PP2D1: variants seen among roughly 807,000 people sequenced by gnomAD.
PP2D1 encodes protein phosphatase 2C like domain containing 1, also known as protein phosphatase 2C-like domain-containing protein 1.
PP2D1 carries 25 observed loss-of-function variants against 30.2 expected under a neutral mutation model. The ratio of observed to expected loss-of-function variants is 0.83; its 90% CI spans 0.60 to 1.16. The LOEUF is 1.16. Among genes scored for constraint, PP2D1 ranks in the 50% most tolerant of loss-of-function variants. PP2D1 has a pLI of 0.00. For synonymous variants in PP2D1, 260 were observed against 258.9 expected, an observed-to-expected ratio of 1.00 and a Z score of -0.04; for missense variants, 760 against 742.4, an observed-to-expected ratio of 1.02 and a Z score of -0.28.
chr3:20,005,274 TC>T, intron 1 of PP2D1, among the ~76,000 whole-genome samples: 1 of 152,112 alleles, frequency 6.6e-6, no homozygotes, highest in African/African-American at 2.4e-5. Context: ...TGCCTCAGCC[TC>T]CCAAGTAGCT....
At chr3:19,982,568 G>A (rs1323366662), downstream of PP2D1, among the ~76,000 whole-genome samples, 5 of 152,060 alleles carry the variant, frequency 3.3e-5, no homozygotes, top group South Asian at 2.1e-4. Flanking sequence ...AAAACTAAGC[G>A]GTCGAGCATG....
downstream of PP2D1, chr3:19,984,056 G>A: frequency 2.2e-6 from 1 of 463,658 alleles, no homozygotes; most frequent in Non-Finnish European, 4.0e-6. Context: ...GTGGACACTT[G>A]TTTCATTGGA....
chr3:19,982,763 TAA>T (rs62910362), downstream of PP2D1, among the ~76,000 whole-genome samples: 61 of 139,738 alleles, frequency 4.4e-4, 1 homozygote, highest in South Asian at 1.8e-3. Context: ...CCTTGTCTCT[TAA>T]AAAAAAAAAA....
Position 20,001,314 on chromosome 3 carries a change from AT to A in PP2D1, c.805del (p.Ile269Ter), listed in dbSNP as rs1697248768. 1 of 1,535,592 alleles carries A rather than the reference AT, an allele frequency of 6.5e-7. No individual in the cohort carries two copies. Among genetic ancestry groups the A allele is most frequent in the East Asian group, 2.4e-5 (1 of 40,910 alleles). On this transcript the variant is annotated frameshift_variant, in exon 2 of 3. Coordinates refer to ENST00000389050, the MANE Select transcript of PP2D1 (RefSeq NM_001252657.2). LOFTEE classifies it high-confidence loss of function. Reference protein sequence around the residue: ...YAAIEDLFSAINKTEAVRCEY... With the variant: ...YAAIEDLFSAXNKTEAVRCEY... ...ACACCTCACTGCTTCTGTTTTGTTT[AT>A]GGCAGAAAAGAGGTCTTCTATTGCT... is the stretch of plus-strand genomic sequence containing the variant.
At chr3:20,011,680 T>A (rs6799824) in intron 1 of PP2D1, among the ~76,000 whole-genome samples, 79 of 152,040 alleles carry the variant, frequency 5.2e-4, no homozygotes, top group African/African-American at 1.9e-3. Context: ...CCGCCTGCAG[T>A]CCCAGCTACT....
downstream of PP2D1, among the ~76,000 whole-genome samples, chr3:19,982,432 A>T (rs1696947167): frequency 6.6e-6 from 1 of 152,198 alleles, no homozygotes; most frequent in Non-Finnish European, 1.5e-5. Flanking sequence ...CTTGGGTGTT[A>T]TCTGTCCTTC....
chr3:19,986,365 A>C (rs749894285), intron 2 of PP2D1, among the ~76,000 whole-genome samples, 183 bp from the exon 3 acceptor site: 4 of 152,230 alleles, frequency 2.6e-5, no homozygotes, highest in Non-Finnish European at 4.4e-5. Flanking sequence ...TACAGATTTC[A>C]AACAGGTCAA....
At position 20,012,161 on chromosome 3, in the gene PP2D1, G is replaced by T; in HGVS notation, c.-89C>A. The T allele has an allele frequency of 9.2e-7, 1 of 1,081,226 alleles. No homozygotes were observed. Among genetic ancestry groups the T allele is most frequent in the South Asian group, 1.5e-5 (1 of 68,880 alleles). 67.0% of individuals were successfully genotyped at this position (1,081,226 alleles called of 1,614,324 possible). ...AACTTGAGTAGTGATGGTGATGGTG[G>T]AGGTAGAGGTGAATGTGATGGCTGT... is the stretch of plus-strand genomic sequence containing the variant. On this transcript the variant is annotated 5_prime_UTR_variant, in exon 1 of 3. Transcript: ENST00000389050.
At chr3:19,984,173 GA>G, downstream of PP2D1, 8 of 394,874 alleles carry the variant, frequency 2.0e-5, no homozygotes, top group East Asian at 2.3e-4. Context: ...AGTCACCTGT[GA>G]AAAAAAAATT....
chr3:20,002,110 G>A lies in PP2D1; in HGVS notation c.24-14C>T, dbSNP rs527417191. On this transcript the variant is annotated splice_polypyrimidine_tract_variant and intron_variant, in intron 1 of 2. Coordinates refer to ENST00000389050, the MANE Select transcript of PP2D1 (RefSeq NM_001252657.2). Reference sequence around the variant, plus strand: ...TTCCAAAACACTCTGCAAACAGGATGAAAGATATTTACATGCCAGGATGAT... The same window carrying A: ...TTCCAAAACACTCTGCAAACAGGATAAAAGATATTTACATGCCAGGATGAT... 13 of 1,492,496 alleles carry A rather than the reference G, an allele frequency of 8.7e-6. No homozygotes were observed. The East Asian group carries it at 2.9e-4, about 34-fold the overall frequency. 92.5% of individuals were successfully genotyped at this position (1,492,496 alleles called of 1,614,324 possible).
downstream of PP2D1, chr3:19,985,238 A>G (rs970671473): frequency 1.4e-5 from 9 of 651,420 alleles, no homozygotes; most frequent in Admixed American, 9.5e-5. Flanking sequence ...AAATGATACT[A>G]TATGACCTAG....
Position 20,001,013 on chromosome 3 carries a change from C to G in PP2D1, c.1090+17G>C, listed in dbSNP as rs1410074069. ...AAAAACATAAAGGTGTTATTTGGTGCTATTCAATGTACATACCAGTGTTTG... is the reference window on the plus strand; with the variant it reads ...AAAAACATAAAGGTGTTATTTGGTGGTATTCAATGTACATACCAGTGTTTG... On this transcript the variant is annotated intron_variant, in intron 2 of 2. Transcript: ENST00000389050. The G allele has an allele frequency of 7.8e-6, 10 of 1,284,694 alleles. No individual in the cohort carries two copies. Among genetic ancestry groups the G allele is most frequent in the Non-Finnish European group, 9.9e-6 (10 of 1,005,482 alleles). The allele number at this position is 1,284,694 out of a possible 1,614,324, so 79.6% of individuals were successfully genotyped here.
At position 20,001,282 on chromosome 3, in the gene PP2D1, C is replaced by T. The variant is rs893753974; in HGVS notation, c.838G>A (p.Glu280Lys). ...NKTEAVRCEY[E>K]DTHKAFAKAF... ...TTTGCAAAGGCTTTGTGTGTGTCCT[C>T]ATACTCACACCTCACTGCTTCTGTT... Residue 280 changes from glutamate to lysine, a missense_variant, in exon 2 of 3, where the codon GAG becomes AAG. By Grantham distance (56) the Glu-to-Lys change is moderately conservative (BLOSUM62 1). Around this residue, in one of 3 missense-constraint regions of PP2D1, gnomAD observed 374 missense variants for 388.8 expected, o/e 0.96. Coordinates refer to ENST00000389050, the MANE Select transcript of PP2D1 (RefSeq NM_001252657.2). The T allele has an allele frequency of 4.6e-6, 7 of 1,535,964 alleles. No individual in the cohort carries two copies. The highest frequency in any genetic ancestry group is 4.1e-5 in the African/African-American group (3 of 73,056).
chr3:20,001,851 G>T lies in PP2D1; in HGVS notation c.269C>A (p.Thr90Lys). 1 of 1,535,606 alleles carries T rather than the reference G, an allele frequency of 6.5e-7. No individual in the cohort carries two copies. The highest frequency in any genetic ancestry group is 8.7e-7 in the Non-Finnish European group (1 of 1,146,708). Residue 90 changes from threonine to lysine, a missense_variant, in exon 2 of 3, where the codon ACG becomes AAG. Transcript: ENST00000389050. ...TCTACCCATCCATTGGAAACCCAGC[G>T]TGGCCAGAGCTACATGTTGCTTCTT... The part of the protein sequence containing the change: ...LHKKQHVALA[T>K]LGFQWMGRKK...
Position 20,001,548 on chromosome 3 carries a change from A to G in PP2D1, c.572T>C (p.Val191Ala), listed in dbSNP as rs1344904503. 1 of 1,536,240 alleles carries G rather than the reference A, an allele frequency of 6.5e-7. No individual in the cohort carries two copies. Among genetic ancestry groups the G allele is most frequent in the Non-Finnish European group, 8.7e-7 (1 of 1,146,926 alleles). The part of the protein sequence containing the change: ...WKADMNDKFT[V>A]VSNFGNKPNV... ...AGGTTTGTTACCAAAATTACTCACT[A>G]CAGTGAATTTATCATTCATGTCAGC... The change falls in exon 2 of 3, where the codon GTA (valine) becomes GCA (alanine). Residue 191 changes from valine to alanine, a missense_variant. Transcript: ENST00000389050.
At chr3:19,983,688 A>G (rs763564987), downstream of PP2D1, 27 of 1,471,954 alleles carry the variant, frequency 1.8e-5, no homozygotes, top group Non-Finnish European at 2.5e-5. Flanking sequence ...TATTCTATTT[A>G]TTTGATCATT....
downstream of PP2D1, chr3:19,984,237 C>T (rs1173905357): frequency 4.8e-6 from 2 of 420,326 alleles, no homozygotes; most frequent in African/African-American, 4.3e-5. Flanking sequence ...GAAGGAGATT[C>T]TAAAGTTATT....
At chr3:20,006,613 C>T (rs1697320718) in intron 1 of PP2D1, among the ~76,000 whole-genome samples, 1 of 152,134 alleles carries the variant, frequency 6.6e-6, no homozygotes, top group Non-Finnish European at 1.5e-5. Flanking sequence ...AGGCGTGCAC[C>T]ACCACGCCTG....
intron 1 of PP2D1, among the ~76,000 whole-genome samples, chr3:20,005,380 G>T (rs577735348): frequency 6.6e-6 from 1 of 152,018 alleles, no homozygotes; most frequent in Non-Finnish European, 1.5e-5. Context: ...TTGAACTCCC[G>T]ACCTCAGGTG....
Sources: allele counts gnomAD v4.1 joint callset (sites outside exome capture counted in the v4.1 genomes callset), GRCh38; gene constraint gnomAD v4.1.1; regional missense constraint gnomAD v4.1.1; transcripts MANE v1.5; gene names NCBI Gene and HGNC (gene_info 2026-07-23, HGNC 2026-07-21).